UBC: variants seen among roughly 807,000 people sequenced by gnomAD.
UBC encodes the protein ubiquitin C, also known as polyubiquitin-C.
In UBC, 8 loss-of-function variants were observed where a neutral mutation model predicts 34.7. The observed-to-expected ratio is 0.23, with a 90% CI of 0.14 to 0.42. The LOEUF is 0.42. UBC is among the 10% of genes least tolerant of loss of function. The pLI, the probability that UBC is intolerant of heterozygous loss-of-function variation, is 1.00. For synonymous variants in UBC, 367 were observed against 299.8 expected (o/e 1.22, Z -2.32); for missense variants, 323 against 750.3 (o/e 0.43, Z 6.65).
chr12:124,914,612 A>T lies in UBC; in HGVS notation c.-29T>A, dbSNP rs888044957. On this transcript the variant is annotated 5_prime_UTR_variant, in exon 1 of 2. It adds an upstream start codon to the 5' untranslated region. Coordinates refer to ENST00000339647, the MANE Select transcript of UBC (RefSeq NM_021009.7). Reference sequence around the variant, plus strand: ...CAAGTGACGATCACAGCGATCCACAAACAAGAACTGCGACCCAAATCCCGG... The same window carrying T: ...CAAGTGACGATCACAGCGATCCACATACAAGAACTGCGACCCAAATCCCGG... The T allele has an allele frequency of 6.6e-6, 1 of 152,440 alleles. No homozygotes were observed. The highest frequency in any genetic ancestry group is 6.5e-5 in the Admixed American group (1 of 15,286). The allele number at this position is 152,440 out of a possible 1,614,324, so 9.4% of individuals were successfully genotyped here.
chr12:124,913,895 C>T (rs1355223245), intron 1 of UBC, 121 bp from the exon 2 acceptor site: 1 of 1,457,778 alleles, frequency 6.9e-7, no homozygotes, highest in Non-Finnish European at 9.3e-7. Flanking sequence ...TCACAAAACA[C>T]ACTCGCCAAC....
rs8397 is a variant in UBC, at chr12:124,914,604, G to C, written c.-21C>G. 1 of 152,312 alleles carries C rather than the reference G, an allele frequency of 6.6e-6. No individual in the cohort carries two copies. Among genetic ancestry groups the C allele is most frequent in the Non-Finnish European group, 1.5e-5 (1 of 68,190 alleles). The allele number at this position is 152,312 out of a possible 1,614,324, so 9.4% of individuals were successfully genotyped here. ...CTACTCACCAAGTGACGATCACAGC[G>C]ATCCACAAACAAGAACTGCGACCCA... On this transcript the variant is annotated 5_prime_UTR_variant, in exon 1 of 2. It adds an upstream start codon to the 5' untranslated region. Coordinates refer to ENST00000339647, the MANE Select transcript of UBC (RefSeq NM_021009.7).
rs778652913 is a variant in UBC at position 124,912,694 on chromosome 12, G to A, written c.1078C>T (p.Leu360=). ...AGKQLEDGRT[L]SDYNIQKEST... The stretch of plus-strand genomic sequence containing the variant: ...TCTTTCTGGATGTTGTAGTCAGACA[G>A]GGTACGACCATCTTCCAGCTGTTTT... Residue 360 remains leucine, a synonymous_variant, in exon 2 of 2, where the codon CTG becomes TTG. Coordinates refer to ENST00000339647, the MANE Select transcript of UBC (RefSeq NM_021009.7). The A allele has an allele frequency of 1.1e-5, 18 of 1,611,120 alleles. 1 individual carries two copies. The East Asian group carries it at 3.3e-4, about 30-fold the overall frequency.
chr12:124,914,622 G>C lies in UBC; in HGVS notation c.-39C>G, dbSNP rs1030500216. On this transcript the variant is annotated 5_prime_UTR_variant, in exon 1 of 2. Coordinates refer to ENST00000339647, the MANE Select transcript of UBC (RefSeq NM_021009.7). ...TCACAGCGATCCACAAACAAGAACT[G>C]CGACCCAAATCCCGGCTGCGACGGA... The C allele has an allele frequency of 6.6e-6, 1 of 152,296 alleles. No individual in the cohort carries two copies. The highest frequency in any genetic ancestry group is 2.4e-5 in the African/African-American group (1 of 41,450). The allele number at this position is 152,296 out of a possible 1,614,324, so 9.4% of individuals were successfully genotyped here.
At position 124,913,298 on chromosome 12, in the gene UBC, C is replaced by T. The variant is rs781972090; in HGVS notation, c.474G>A (p.Lys158=). 2.5e-6 allele frequency: 4 copies of T among 1,610,062 alleles called. No homozygotes were observed. The highest frequency in any genetic ancestry group is 2.2e-5 in the East Asian group (1 of 44,500). The stretch of plus-strand genomic sequence containing the variant: ...GGGTGATGGTCTTACCAGTCAGGGT[C>T]TTCACGAAGATCTGCATCCCACCTC... The part of the protein sequence containing the change: ...RLRGGMQIFV[K]TLTGKTITLE... Residue 158 remains lysine (K), a synonymous_variant, in exon 2 of 2, where the codon AAG becomes AAA. Coordinates refer to ENST00000339647, the MANE Select transcript of UBC (RefSeq NM_021009.7).
Position 124,911,787 on chromosome 12 carries a change from C to A in UBC, c.1985G>T (p.Arg662Leu). Residue 662 changes from arginine to leucine, a missense_variant, in exon 2 of 2, where the codon CGC becomes CTC. Coordinates refer to ENST00000339647, the MANE Select transcript of UBC (RefSeq NM_021009.7). ...CTGGATGTTGTAGTCAGACAGGGTG[C>A]GTCCATCTTCCAGCTGTTTCCCAGC... ...IFAGKQLEDG[R>L]TLSDYNIQKE... 6.2e-7 allele frequency: 1 copy of A among 1,613,906 alleles called. No individual in the cohort carries two copies. Among genetic ancestry groups the A allele is most frequent in the Non-Finnish European group, 8.5e-7 (1 of 1,179,854 alleles).
At chr12:124,914,064 G>A (rs546325005) in intron 1 of UBC, 5 of 452,142 alleles carry the variant, frequency 1.1e-5, no homozygotes, top group African/African-American at 9.9e-5. Flanking sequence ...CCTGCGTCCT[G>A]CGACGGAGAA....
In UBC at chr12:124,912,747, G is replaced by C; in HGVS notation, c.1025C>G (p.Pro342Arg). 1.2e-6 allele frequency: 2 copies of C among 1,606,836 alleles called. No individual in the cohort carries two copies. The highest frequency in any genetic ancestry group is 1.7e-6 in the Non-Finnish European group (2 of 1,178,024). ...AKIQDKEGIPPDQQRLIFAGK... is the reference protein window; with the variant it reads ...AKIQDKEGIPRDQQRLIFAGK... ...GGCAAAGATCAACCTCTGCTGGTCA[G>C]GAGGGATGCCTTCCTTGTCTTGGAT... The change falls in exon 2 of 2, where the codon CCT becomes CGT. Residue 342 changes from proline (P) to arginine (R), a missense_variant. Transcript: ENST00000339647.
intron 1 of UBC, 42 bp from the exon 2 acceptor site, chr12:124,913,816 T>C (rs1953562599): frequency 6.2e-7 from 1 of 1,608,360 alleles, no homozygotes; most frequent in Non-Finnish European, 8.5e-7. Context: ...AGCGGACAAT[T>C]TACTAGTCTA....
intron 1 of UBC, 88 bp from the exon 2 acceptor site, chr12:124,913,862 T>C: frequency 6.4e-7 from 1 of 1,555,834 alleles, no homozygotes; most frequent in Non-Finnish European, 8.7e-7. Flanking sequence ...AATGATTACA[T>C]TTCAAAAGGT....
At position 124,913,358 on chromosome 12, in the gene UBC, C is replaced by T. The variant is rs931412311; in HGVS notation, c.414G>A (p.Gln138=). ...GCACCAGGTGCAGGGTAGACTCTTT[C>T]TGGATGTTGTAGTCAGACAGGGTGC... ...DGRTLSDYNI[Q]KESTLHLVLR... Residue 138 remains glutamine, a synonymous_variant, in exon 2 of 2, where the codon CAG becomes CAA. Transcript: ENST00000339647. 1.2e-6 allele frequency: 2 copies of T among 1,609,448 alleles called. No individual in the cohort carries two copies. Among genetic ancestry groups the T allele is most frequent in the Non-Finnish European group, 1.7e-6 (2 of 1,178,788 alleles).
In UBC at chr12:124,913,475, G is replaced by A. The variant is rs376386473; in HGVS notation, c.297C>T (p.Ile99=). 9 of 1,611,088 alleles carry A rather than the reference G, an allele frequency of 5.6e-6. No individual in the cohort carries two copies. The highest frequency in any genetic ancestry group is 3.4e-5 in the Admixed American group (2 of 59,532). ...ITLEVEPSDT[I]ENVKAKIQDK... ...CCTGGATCTTTGCTTTGACGTTCTC[G>A]ATGGTGTCACTGGGCTCGACCTCAA... The change falls in exon 2 of 2, where the codon ATC becomes ATT. Residue 99 remains isoleucine, a synonymous_variant. Transcript: ENST00000339647.
At chr12:124,913,878 A>T in intron 1 of UBC, 104 bp from the exon 2 acceptor site, 1 of 1,535,902 alleles carries the variant, frequency 6.5e-7, no homozygotes. Flanking sequence ...AAGGTGCCTA[A>T]AAAACTTCAC....
chr12:124,914,156 G>GGC, intron 1 of UBC: 3 of 251,252 alleles, frequency 1.2e-5, no homozygotes, highest in Non-Finnish European at 2.3e-5. Context: ...ACACGACGAG[G>GGC]GCGCGCGCTC....
In UBC at chr12:124,911,843, G is replaced by A. The variant is rs745810247; in HGVS notation, c.1929C>T (p.Gly643=). ...TCAACCTCTGCTGATCAGGAGGGATGCCTTCCTTATCTTGGATCTTTGCCT... is the reference window on the plus strand; with the variant it reads ...TCAACCTCTGCTGATCAGGAGGGATACCTTCCTTATCTTGGATCTTTGCCT... ...NVKAKIQDKE[G]IPPDQQRLIF... is the part of the protein sequence containing the mutation. The change falls in exon 2 of 2, where the codon GGC becomes GGT. Residue 643 remains glycine, a synonymous_variant. Transcript: ENST00000339647. 1.2e-6 allele frequency: 2 copies of A among 1,612,350 alleles called. No homozygotes were observed. The highest frequency in any genetic ancestry group is 1.3e-5 in the African/African-American group (1 of 74,468).
intron 1 of UBC, 44 bp from the exon 2 acceptor site, chr12:124,913,818 A>G (rs566882143): frequency 2.5e-6 from 4 of 1,607,766 alleles, no homozygotes; most frequent in South Asian, 1.1e-5. Context: ...CGGACAATTT[A>G]CTAGTCTAAC....
chr12:124,911,765 G>A lies in UBC; in HGVS notation c.2007C>T (p.Ile669=), dbSNP rs769644717. ...EDGRTLSDYN[I]QKESTLHLVL... ...CCAAGTGCAGAGTGGACTCTTTCTG[G>A]ATGTTGTAGTCAGACAGGGTGCGTC... is the stretch of plus-strand genomic sequence containing the variant. The change falls in exon 2 of 2, where the codon ATC becomes ATT. Residue 669 remains isoleucine (I), a synonymous_variant. Transcript: ENST00000339647. 3 of 1,613,818 alleles carry A rather than the reference G, an allele frequency of 1.9e-6. No individual in the cohort carries two copies. In the Admixed American group the frequency reaches 5.0e-5, roughly 27 times the overall value.
chr12:124,911,918 A>T lies in UBC; in HGVS notation c.1854T>A (p.Gly618=). 6.2e-7 allele frequency: 1 copy of T among 1,605,014 alleles called. No individual in the cohort carries two copies. Among genetic ancestry groups the T allele is most frequent in the East Asian group, 2.2e-5 (1 of 44,672 alleles). Residue 618 remains glycine, a synonymous_variant, in exon 2 of 2, where the codon GGT becomes GGA. Transcript: ENST00000339647. ...GMQIFVKTLT[G]KTITLEVEPS... is the part of the protein sequence containing the mutation. ...GCTCCACCTCGAGGGTGATGGTCTT[A>T]CCAGTCAGGGTCTTCACGAAGATTT...
intron 1 of UBC, 78 bp from the exon 2 acceptor site, chr12:124,913,852 A>G (rs1953564980): frequency 6.4e-7 from 1 of 1,570,198 alleles, no homozygotes; most frequent in Non-Finnish European, 8.6e-7. Context: ...TATTGACCCA[A>G]ATGATTACAT....
Sources: gnomAD v4.1 joint callset for allele counts on GRCh38, gnomAD v4.1.1 for gene constraint, MANE v1.5 for transcripts, NCBI Gene and HGNC (gene_info 2026-07-23, HGNC 2026-07-21) for gene names.